RERE: variants seen among roughly 807,000 people sequenced by gnomAD.
RERE encodes the protein arginine-glutamic acid dipeptide repeats protein.
In RERE, 40 loss-of-function variants were observed where a neutral mutation model predicts 146.1. The ratio of observed to expected loss-of-function variants is 0.27; its 90% CI spans 0.21 to 0.36. The LOEUF (loss-of-function observed/expected upper bound fraction) is 0.36. Ranked by LOEUF, RERE falls within the 10% of genes least tolerant of loss-of-function variation. The probability of loss-of-function intolerance (pLI) is 1.00; values close to 1 mark genes in which losing one functional copy is unlikely to be tolerated. For synonymous variants in RERE, 1,003 were observed against 866.0 expected (o/e 1.16, Z -2.78); for missense variants, 1,933 against 2,138.7 (o/e 0.90, Z 1.90).
At chr1:8,683,796 G>A (rs1262325390) in intron 1 of RERE, among the ~76,000 whole-genome samples, 1 of 152,012 alleles carries the variant, frequency 6.6e-6, no homozygotes, top group Non-Finnish European at 1.5e-5. Flanking sequence ...TACAAAATAA[G>A]CCGGGCAGGG....
chr1:8,436,959 T>G (rs1644178072), intron 11 of RERE, among the ~76,000 whole-genome samples: 1 of 152,204 alleles, frequency 6.6e-6, no homozygotes, highest in Admixed American at 6.5e-5. Flanking sequence ...CTTCTTTTTT[T>G]GTAAAATACT....
At chr1:8,808,236 C>G (rs1223702992) in intron 1 of RERE, among the ~76,000 whole-genome samples, 1 of 150,226 alleles carries the variant, frequency 6.7e-6, no homozygotes, top group East Asian at 2.0e-4. Flanking sequence ...TCAAACTGTA[C>G]TATTACTCTA....
intron 10 of RERE, among the ~76,000 whole-genome samples, chr1:8,492,059 C>T (rs1644986016): frequency 6.6e-6 from 1 of 152,088 alleles, no homozygotes. Context: ...GGAGTCAGTT[C>T]AACAGTGAAG....
At chr1:8,491,530 G>A (rs1644979875) in intron 10 of RERE, among the ~76,000 whole-genome samples, 1 of 151,240 alleles carries the variant, frequency 6.6e-6, no homozygotes, top group Admixed American at 6.6e-5. Flanking sequence ...GAGGTGGGAG[G>A]ACTGCTTGAG....
At chr1:8,646,569 G>C (rs962797272) in intron 2 of RERE, among the ~76,000 whole-genome samples, 5 of 150,552 alleles carry the variant, frequency 3.3e-5, no homozygotes, top group Non-Finnish European at 5.9e-5. Flanking sequence ...AAAAAAAACA[G>C]GGTCATCATT....
At chr1:8,592,432 G>A (rs1323231337) in intron 4 of RERE, among the ~76,000 whole-genome samples, 36 of 151,970 alleles carry the variant, frequency 2.4e-4, no homozygotes, top group Non-Finnish European at 4.4e-5. Flanking sequence ...CACCATGCCC[G>A]GCTAATTTTT....
chr1:8,711,212 A>T (rs1431517215), intron 1 of RERE, among the ~76,000 whole-genome samples: 1 of 150,416 alleles, frequency 6.6e-6, no homozygotes, highest in Non-Finnish European at 1.5e-5. Flanking sequence ...GCTAATAAGT[A>T]TTTAAAGTAT....
chr1:8,535,680 C>G lies in RERE; in HGVS notation c.830+5534G>C, dbSNP rs77746318. ...GAAAGTATAGTCCCTGTAAATGCCT[C>G]AAGTTTATGACTGCTCCTGAACATA... On this transcript the variant is annotated intron_variant, in intron 7 of 22. Coordinates refer to ENST00000400908, the MANE Select transcript of RERE (RefSeq NM_001042681.2). Among the ~76,000 whole-genome samples, 1,212 of 152,246 alleles carry G rather than the reference C, an allele frequency of 8.0e-3. 13 individuals carry two copies. The highest frequency in any genetic ancestry group is 0.028 in the African/African-American group (1,158 of 41,548).
intron 12 of RERE, among the ~76,000 whole-genome samples, chr1:8,395,474 CAAA>C (rs36088351): frequency 6.4e-5 from 7 of 110,188 alleles, no homozygotes; most frequent in Non-Finnish European, 6.0e-5. Context: ...GGCTCTGTCT[CAAA>C]AAAAAAAAAA....
In RERE at chr1:8,356,051, A is replaced by G; in HGVS notation, c.4486+49T>C. 6.9e-7 allele frequency: 1 copy of G among 1,456,180 alleles called. No homozygotes were observed. Among genetic ancestry groups the G allele is most frequent in the Non-Finnish European group, 9.0e-7 (1 of 1,105,666 alleles). The allele number at this position is 1,456,180 out of a possible 1,614,324, so 90.2% of individuals were successfully genotyped here. Reference sequence around the variant, plus strand: ...AATGAAGACAGCAGACCAGACCCCAACCCAACCCTCACACGGCCTCCCCGC... The same window carrying G: ...AATGAAGACAGCAGACCAGACCCCAGCCCAACCCTCACACGGCCTCCCCGC... On this transcript the variant is annotated intron_variant, in intron 21 of 22. Coordinates refer to ENST00000400908, the MANE Select transcript of RERE (RefSeq NM_001042681.2). The surrounding 1 kb of genome is among the most constrained non-coding windows in gnomAD (Gnocchi z 5.2).
intron 1 of RERE, among the ~76,000 whole-genome samples, chr1:8,732,336 A>G (rs1488923193): frequency 1.3e-5 from 2 of 152,220 alleles, no homozygotes; most frequent in African/African-American, 4.8e-5. Context: ...AAAGAACAAG[A>G]AAGAGGAACA....
Position 8,704,809 on chromosome 1 carries a change from A to T in RERE, c.-144-48368T>A, listed in dbSNP as rs567083477. Among the ~76,000 whole-genome samples the T allele has an allele frequency of 2.6e-3, 392 of 152,370 alleles. 2 individuals are homozygous for T. Among genetic ancestry groups the T allele is most frequent in the African/African-American group, 8.9e-3 (372 of 41,590 alleles). On this transcript the variant is annotated intron_variant, in intron 1 of 22. Transcript: ENST00000400908. The stretch of plus-strand genomic sequence containing the variant: ...CATGTACTGAGAGCAAGAGCTGATG[A>T]GGCATAATGTCTTTGCCCCCCTGAA...
chr1:8,366,100 C>G, intron 12 of RERE, 126 bp from the exon 13 acceptor site: 1 of 1,012,334 alleles, frequency 9.9e-7, no homozygotes, highest in Non-Finnish European at 1.4e-6. Flanking sequence ...AAAGACCAGT[C>G]GCTCCTGGAG....
At chr1:8,669,347 G>A (rs993116569) in intron 1 of RERE, among the ~76,000 whole-genome samples, 3 of 152,014 alleles carry the variant, frequency 2.0e-5, no homozygotes, top group Admixed American at 6.6e-5. Flanking sequence ...CAATCCGCCC[G>A]CCTTGGCCTC....
chr1:8,601,520 A>C (rs1646625423), intron 4 of RERE, among the ~76,000 whole-genome samples: 2 of 151,926 alleles, frequency 1.3e-5, no homozygotes, highest in South Asian at 4.2e-4. Flanking sequence ...AGGTGGGAGC[A>C]ATCATTTATG....
At chr1:8,697,709 G>C (rs1166667049) in intron 1 of RERE, among the ~76,000 whole-genome samples, 1 of 152,176 alleles carries the variant, frequency 6.6e-6, no homozygotes, top group East Asian at 1.9e-4. Context: ...ACTTTCTAAA[G>C]TTCCTGGATA....
At chr1:8,703,299 G>A (rs1476486319) in intron 1 of RERE, 1 of 150,246 alleles carries the variant, frequency 6.7e-6, no homozygotes, top group Non-Finnish European at 1.5e-5. Flanking sequence ...CCCGCCCGCG[G>A]CTAGGGAGGC....
rs1193017899 is a variant in RERE at position 8,416,127 on chromosome 1, TA to T, written c.1284+6599del. 9.8e-5 allele frequency among the ~76,000 whole-genome samples: 15 copies of T among 152,304 alleles called. No individual in the cohort carries two copies. The East Asian group carries it at 2.9e-3, about 29-fold the overall frequency. ...AACAAGAGAAGGCCATCCTTCCACATAAAAAGGCTTATTAAAAACTGAAATA... is the reference window on the plus strand; with the variant it reads ...AACAAGAGAAGGCCATCCTTCCACATAAAAGGCTTATTAAAAACTGAAATA... On this transcript the variant is annotated intron_variant, in intron 12 of 22. Coordinates refer to ENST00000400908, the MANE Select transcript of RERE (RefSeq NM_001042681.2).
intron 10 of RERE, among the ~76,000 whole-genome samples, chr1:8,471,517 C>CTTTT (rs35144697): frequency 3.0e-4 from 40 of 132,338 alleles, no homozygotes; most frequent in Middle Eastern, 4.0e-3. Flanking sequence ...CCCGGGGTTG[C>CTTTT]TTTTTTTTTT....
Sources: allele counts gnomAD v4.1 joint callset (sites outside exome capture counted in the v4.1 genomes callset), GRCh38; gene constraint gnomAD v4.1.1; non-coding constraint Gnocchi (gnomAD v3.1); transcripts MANE v1.5; gene names NCBI Gene and HGNC (gene_info 2026-07-23, HGNC 2026-07-21).